SH2D4B: variants seen among roughly 807,000 people sequenced by gnomAD.
SH2D4B encodes SH2 domain containing 4B.
Under a neutral mutation model 61.5 loss-of-function variants are expected in SH2D4B, and 45 were observed. The observed-to-expected ratio is 0.73, with a 90% CI of 0.58 to 0.94. The LOEUF (loss-of-function observed/expected upper bound fraction) is 0.94. Among genes scored for constraint, SH2D4B ranks in the 40% least tolerant of loss-of-function variants. The pLI is 0.00. For missense variants in SH2D4B, 572 were observed against 574.2 expected, an observed-to-expected ratio of 1.00 and a Z score of 0.04; for synonymous variants, 224 against 220.4, an observed-to-expected ratio of 1.02 and a Z score of -0.14.
chr10:80,605,172 T>A (rs1294729243), intron 5 of SH2D4B, among the ~76,000 whole-genome samples: 1 of 152,034 alleles, frequency 6.6e-6, no homozygotes, highest in Non-Finnish European at 1.5e-5. Flanking sequence ...CCTCTTTTTT[T>A]TTTGTGGAAA....
chr10:80,586,922 C>A (rs1046312673), intron 3 of SH2D4B, among the ~76,000 whole-genome samples: 1 of 150,378 alleles, frequency 6.6e-6, no homozygotes, highest in Non-Finnish European at 1.5e-5. Flanking sequence ...GCCTTAAGAG[C>A]TGTAACACTC....
At chr10:80,564,517 C>T (rs1841942310) in intron 1 of SH2D4B, among the ~76,000 whole-genome samples, 2 of 152,340 alleles carry the variant, frequency 1.3e-5, no homozygotes, top group East Asian at 3.9e-4. Context: ...TTTGGGTCCT[C>T]CTCCTCTTGA....
chr10:80,609,628 G>C, intron 6 of SH2D4B, 77 bp downstream of exon 6: 2 of 1,602,256 alleles, frequency 1.2e-6, no homozygotes, highest in Non-Finnish European at 1.7e-6. Context: ...GAGGGGTGCT[G>C]AAGGACAGTT....
intron 6 of SH2D4B, among the ~76,000 whole-genome samples, chr10:80,617,994 C>A (rs1181990597): frequency 6.6e-6 from 1 of 152,174 alleles, no homozygotes; most frequent in African/African-American, 2.4e-5. Flanking sequence ...ATTAGCTAGC[C>A]CTGGGTCATA....
At chr10:80,559,187 T>G (rs185208267) in intron 1 of SH2D4B, among the ~76,000 whole-genome samples, 2 of 152,326 alleles carry the variant, frequency 1.3e-5, no homozygotes, top group East Asian at 3.9e-4. Context: ...GCTTTTGTCT[T>G]CATTTGTTCC....
intron 4 of SH2D4B, among the ~76,000 whole-genome samples, chr10:80,596,871 C>A (rs1214444917): frequency 3.9e-5 from 6 of 152,134 alleles, no homozygotes; most frequent in African/African-American, 1.4e-4. Context: ...GTCATCTGCA[C>A]CCAGTTAAGA....
intron 5 of SH2D4B, 125 bp from the exon 6 acceptor site, chr10:80,609,299 C>A (rs1842562595): frequency 7.3e-6 from 6 of 817,642 alleles, no homozygotes; most frequent in South Asian, 5.7e-5. Context: ...CCTTCTTCCA[C>A]CCCCCCTTCC....
intron 6 of SH2D4B, among the ~76,000 whole-genome samples, chr10:80,616,085 A>G (rs1842656708): frequency 6.6e-6 from 1 of 152,008 alleles, no homozygotes. Context: ...CAAAAGAAAG[A>G]TGACACTGAT....
intron 3 of SH2D4B, among the ~76,000 whole-genome samples, chr10:80,588,324 G>A (rs1271840727): frequency 6.6e-6 from 1 of 152,142 alleles, no homozygotes; most frequent in Non-Finnish European, 1.5e-5. Context: ...GTGGTGATCT[G>A]GTGAGTTTCA....
intron 7 of SH2D4B, among the ~76,000 whole-genome samples, chr10:80,636,461 T>C (rs1589365917): frequency 6.6e-6 from 1 of 152,330 alleles, no homozygotes; most frequent in East Asian, 1.9e-4. Context: ...CAGCATCTGT[T>C]GTTTCATGAC....
At chr10:80,640,119 ACT>A (rs1821583582) in intron 7 of SH2D4B, among the ~76,000 whole-genome samples, 1 of 151,934 alleles carries the variant, frequency 6.6e-6, no homozygotes, top group Non-Finnish European at 1.5e-5. Flanking sequence ...ATTGGCCCCC[ACT>A]CTCTTCTGGC....
In SH2D4B at chr10:80,609,429, C is replaced by T; in HGVS notation, c.866C>T (p.Thr289Ile). Residue 289 changes from threonine (T) to isoleucine (I), a missense_variant, in exon 6 of 8, where the codon ACC (threonine) becomes ATC (isoleucine). By Grantham distance (89) the Thr-to-Ile change is moderately conservative. Coordinates refer to ENST00000646907, the MANE Select transcript of SH2D4B (RefSeq NM_001388272.1). Reference sequence around the variant, plus strand: ...CCCACTTTCTTTCTCTTCAGCAGGACCTGGGAGCGCCCGCTGCGCCCAGTC... The same window carrying T: ...CCCACTTTCTTTCTCTTCAGCAGGATCTGGGAGCGCCCGCTGCGCCCAGTC... ...PQPLALPVSR[T>I]WERPLRPVSR... 1 of 1,613,742 alleles carries T rather than the reference C, an allele frequency of 6.2e-7. No homozygotes were observed. Among genetic ancestry groups the T allele is most frequent in the Non-Finnish European group, 8.5e-7 (1 of 1,179,790 alleles).
intron 6 of SH2D4B, among the ~76,000 whole-genome samples, chr10:80,632,295 T>C (rs1034013775): frequency 4.6e-5 from 7 of 152,240 alleles, no homozygotes; most frequent in Admixed American, 2.0e-4. Flanking sequence ...ACAAAAAATA[T>C]GTGAGGTAAA....
At chr10:80,587,914 G>A (rs1420349913) in intron 3 of SH2D4B, among the ~76,000 whole-genome samples, 1 of 152,186 alleles carries the variant, frequency 6.6e-6, no homozygotes, top group Non-Finnish European at 1.5e-5. Flanking sequence ...TACTGCAGAG[G>A]ACGTGACTTC....
rs1842287800 is a variant in SH2D4B, at chr10:80,588,665, G to A, written c.531G>A (p.Glu177=). 2 of 1,613,936 alleles carry A rather than the reference G, an allele frequency of 1.2e-6. No individual in the cohort carries two copies. The highest frequency in any genetic ancestry group is 1.3e-5 in the African/African-American group (1 of 74,928). ...AAGAGGAGAGGAAGCGAGGAGAAGA[G>A]CAGATTCGCCTCCAGGAAGAGCAGA... ...KEEEERKRGE[E]QIRLQEEQRA... The change falls in exon 4 of 8, where the codon GAG becomes GAA. Residue 177 remains glutamate (E), a synonymous_variant. Transcript: ENST00000646907.
intron 4 of SH2D4B, among the ~76,000 whole-genome samples, chr10:80,592,744 C>T (rs563989487): frequency 4.1e-4 from 56 of 137,724 alleles, no homozygotes; most frequent in African/African-American, 1.4e-3. Flanking sequence ...GATGGAGTCT[C>T]ACTCTGTCAC....
intron 1 of SH2D4B, among the ~76,000 whole-genome samples, chr10:80,542,398 CT>C (rs554328250): frequency 0.033 from 3,995 of 119,292 alleles, 54 homozygotes; most frequent in Middle Eastern, 0.055. Flanking sequence ...TCAGTTCTAT[CT>C]TTTTTTTTTT....
chr10:80,566,181 C>A (rs1355934159), intron 1 of SH2D4B, among the ~76,000 whole-genome samples: 1 of 151,420 alleles, frequency 6.6e-6, no homozygotes, highest in Non-Finnish European at 1.5e-5. Context: ...GAAGAAGAGC[C>A]CTTTACATGG....
Position 80,646,353 on chromosome 10 carries a change from C to A in SH2D4B, c.*2268C>A, listed in dbSNP as rs1158322862. 9.2e-5 allele frequency: 14 copies of A among 152,626 alleles called. No homozygotes were observed. The highest frequency in any genetic ancestry group is 9.2e-4 in the Admixed American group (14 of 15,280). 9.5% of individuals were successfully genotyped at this position (152,626 alleles called of 1,614,324 possible). ...CCCCTAATTAATATGTGAGAGACAA[C>A]AGCTGGGTTTTCCATCCCTAACACA... On this transcript the variant is annotated 3_prime_UTR_variant, in exon 8 of 8. Coordinates refer to ENST00000646907, the MANE Select transcript of SH2D4B (RefSeq NM_001388272.1).
Sources: gnomAD v4.1 joint callset for allele counts (sites outside exome capture counted in the v4.1 genomes callset) on GRCh38, gnomAD v4.1.1 for gene constraint, MANE v1.5 for transcripts, NCBI Gene and HGNC (gene_info 2026-07-23, HGNC 2026-07-21) for gene names.